AK9: variants seen among roughly 807,000 people sequenced by gnomAD.
The protein encoded by AK9 is adenylate kinase 9.
AK9 carries 191 observed loss-of-function variants against 239.6 expected under a neutral mutation model. That is an observed-to-expected ratio of 0.80 (90% CI 0.71 to 0.90). The LOEUF (loss-of-function observed/expected upper bound fraction) is 0.90. Ranked by LOEUF, AK9 falls within the 40% of genes least tolerant of loss-of-function variation. The probability of loss-of-function intolerance (pLI) is 0.00; values close to 1 mark genes in which losing one functional copy is unlikely to be tolerated. For synonymous variants in AK9, 689 were observed against 721.0 expected (o/e 0.96, Z 0.71); for missense variants, 1,995 against 2,214.7 (o/e 0.90, Z 1.99).
At chr6:109,615,503 G>T (rs541583450) in intron 13 of AK9, among the ~76,000 whole-genome samples, 24 of 151,634 alleles carry the variant, frequency 1.6e-4, no homozygotes, top group Non-Finnish European at 2.7e-4. Flanking sequence ...AGTTGACTGA[G>T]ATATTTTAAA....
intron 28 of AK9, 85 bp downstream of exon 28, chr6:109,533,166 A>G (rs1231205861): frequency 7.0e-6 from 7 of 1,002,840 alleles, no homozygotes; most frequent in Non-Finnish European, 9.7e-6. Flanking sequence ...TTAGAATACT[A>G]TATTTTTTGT....
At chr6:109,630,606 C>CT (rs1399021125) in intron 12 of AK9, among the ~76,000 whole-genome samples, 1 of 152,062 alleles carries the variant, frequency 6.6e-6, no homozygotes, top group Non-Finnish European at 1.5e-5. Context: ...CTTTGGGAGG[C>CT]TGAGGCAGGA....
chr6:109,565,567 G>A (rs1249268436), intron 21 of AK9, among the ~76,000 whole-genome samples: 2 of 152,146 alleles, frequency 1.3e-5, no homozygotes, highest in Non-Finnish European at 2.9e-5. Flanking sequence ...AGCTGTAGGT[G>A]TAGGCATGGA....
chr6:109,544,411 G>A (rs1360906460), intron 26 of AK9, among the ~76,000 whole-genome samples: 1 of 152,088 alleles, frequency 6.6e-6, no homozygotes, highest in Non-Finnish European at 1.5e-5. Flanking sequence ...GTGGGGTCTG[G>A]TGAGAGGTGA....
rs117513176 is a variant in AK9, at chr6:109,564,193, A to G, written c.2522T>C (p.Leu841Pro). The G allele has an allele frequency of 2.9e-3, 4,462 of 1,551,456 alleles. 61 individuals carry two copies. Among genetic ancestry groups the G allele is most frequent in the East Asian group, 0.019 (797 of 40,884 alleles). Reference protein sequence around the residue: ...FKEKIGSFIILWKQLEATISE... With the variant: ...FKEKIGSFIIPWKQLEATISE... Reference sequence around the variant, plus strand: ...AATTGTTGCTTCTAGCTGTTTCCAGAGGATGATGAAAGAACCAATCTTCTC... The same window carrying G: ...AATTGTTGCTTCTAGCTGTTTCCAGGGGATGATGAAAGAACCAATCTTCTC... The change falls in exon 23 of 41, where the codon CTC (leucine) becomes CCC (proline). Residue 841 changes from leucine (L) to proline (P), a missense_variant. Physicochemically the swap from Leu to Pro is moderately conservative, Grantham distance 98. Coordinates refer to ENST00000424296, the MANE Select transcript of AK9 (RefSeq NM_001145128.3).
At chr6:109,652,059 C>T (rs1392784496) in intron 8 of AK9, among the ~76,000 whole-genome samples, 1 of 152,168 alleles carries the variant, frequency 6.6e-6, no homozygotes, top group Non-Finnish European at 1.5e-5. Flanking sequence ...TTTTATGAGG[C>T]CAGCATCATC....
intron 1 of AK9, among the ~76,000 whole-genome samples, chr6:109,679,219 G>A (rs974307073): frequency 6.6e-6 from 1 of 152,162 alleles, no homozygotes; most frequent in Non-Finnish European, 1.5e-5. Flanking sequence ...TGAAATTCTC[G>A]CTGCCAGCAC....
chr6:109,605,773 G>A (rs1792777440), intron 17 of AK9, among the ~76,000 whole-genome samples: 1 of 152,178 alleles, frequency 6.6e-6, no homozygotes. Flanking sequence ...TTGGGTACCT[G>A]AGGATGCAAG....
chr6:109,682,109 G>A (rs1772729324), intron 1 of AK9, among the ~76,000 whole-genome samples: 1 of 152,102 alleles, frequency 6.6e-6, no homozygotes, highest in Non-Finnish European at 1.5e-5. Flanking sequence ...GAAAGAGATA[G>A]AGACACGACA....
intron 17 of AK9, among the ~76,000 whole-genome samples, chr6:109,601,599 T>G (rs1791977127): frequency 6.6e-6 from 1 of 152,316 alleles, no homozygotes; most frequent in South Asian, 2.1e-4. Flanking sequence ...TTAGGTCCAC[T>G]TGGTGTAGAG....
At chr6:109,540,238 C>T (rs1382742581) in intron 27 of AK9, among the ~76,000 whole-genome samples, 2 of 152,228 alleles carry the variant, frequency 1.3e-5, no homozygotes, top group Non-Finnish European at 2.9e-5. Context: ...CCTTGAGCTG[C>T]AGTGTGCTCC....
chr6:109,621,918 A>AAAAAAAAAAC (rs1794890454), intron 12 of AK9, among the ~76,000 whole-genome samples: 1 of 93,342 alleles, frequency 1.1e-5, no homozygotes, highest in African/African-American at 3.2e-5. Flanking sequence ...AAAAACAAAA[A>AAAAAAAAAAC]AAAAACAGAA....
intron 21 of AK9, among the ~76,000 whole-genome samples, chr6:109,567,103 G>A (rs1786647942): frequency 6.6e-6 from 1 of 152,016 alleles, no homozygotes; most frequent in African/African-American, 2.4e-5. Context: ...AGGAGATAGA[G>A]ACATAAAAAA....
At chr6:109,595,841 G>C (rs1790952198) in intron 17 of AK9, among the ~76,000 whole-genome samples, 1 of 152,064 alleles carries the variant, frequency 6.6e-6, no homozygotes, top group African/African-American at 2.4e-5. Context: ...TCACACACCA[G>C]GGCCTGTCAT....
chr6:109,538,219 A>G (rs185352482), intron 27 of AK9, among the ~76,000 whole-genome samples: 9 of 152,274 alleles, frequency 5.9e-5, no homozygotes, highest in African/African-American at 2.2e-4. Flanking sequence ...AAAGTCTCCC[A>G]TTATTACTGT....
chr6:109,507,744 C>T (rs912085992), intron 33 of AK9, among the ~76,000 whole-genome samples: 1 of 152,130 alleles, frequency 6.6e-6, no homozygotes, highest in African/African-American at 2.4e-5. Context: ...AAACTAAATA[C>T]GGCCATACGT....
rs567679923 is a variant in AK9, at chr6:109,538,328, C to A, written c.3350+3719G>T. Among the ~76,000 whole-genome samples, 575 of 152,302 alleles carry A rather than the reference C, an allele frequency of 3.8e-3. 2 individuals carry two copies. The highest frequency in any genetic ancestry group is 8.5e-3 in the South Asian group (41 of 4,818). On this transcript the variant is annotated intron_variant, in intron 27 of 40. Transcript: ENST00000424296. Reference sequence around the variant, plus strand: ...TATATATTTAGGATAGTTAGCTCTTCTTGTTGAATTGATCCCTTTACCATT... The same window carrying A: ...TATATATTTAGGATAGTTAGCTCTTATTGTTGAATTGATCCCTTTACCATT...
At chr6:109,527,178 A>G (rs758198847) in intron 29 of AK9, among the ~76,000 whole-genome samples, 7 of 152,170 alleles carry the variant, frequency 4.6e-5, no homozygotes, top group Admixed American at 2.6e-4. Context: ...TCACATTCTG[A>G]GACTACAGGT....
Position 109,659,360 on chromosome 6 carries a change from A to G in AK9, c.498T>C (p.Asn166=), listed in dbSNP as rs1800122027. The G allele has an allele frequency of 6.2e-7, 1 of 1,612,238 alleles. No homozygotes were observed. The highest frequency in any genetic ancestry group is 8.5e-7 in the Non-Finnish European group (1 of 1,179,624). Residue 166 remains asparagine, a synonymous_variant, in exon 7 of 41, where the codon AAT becomes AAC. Transcript: ENST00000424296. ...QRISGQRQHN[N]TGYIYSRDQW... ...GGTCTCTACTGTATATGTATCCCGT[A>G]TTATTGTGCTGTCTTTGCCCAGAAA... is the stretch of plus-strand genomic sequence containing the variant.
Sources: gnomAD v4.1 joint callset for allele counts (sites outside exome capture counted in the v4.1 genomes callset) on GRCh38, gnomAD v4.1.1 for gene constraint, MANE v1.5 for transcripts, NCBI Gene and HGNC (gene_info 2026-07-23, HGNC 2026-07-21) for gene names.